Variants in ANKRD44 observed in about 807,000 individuals in gnomAD.
ANKRD44 encodes ankyrin repeat domain 44.
ANKRD44 carries 35 observed loss-of-function variants against 116.0 expected under a neutral mutation model. The observed-to-expected ratio is 0.30, with a 90% confidence interval of 0.23 to 0.40. The LOEUF (loss-of-function observed/expected upper bound fraction) is 0.40, where lower values mean the gene tolerates loss of function less well. Among genes scored for constraint, ANKRD44 ranks in the 10% least tolerant of loss-of-function variants. The probability of loss-of-function intolerance (pLI) is 1.00; values close to 1 mark genes in which losing one functional copy is unlikely to be tolerated. For missense variants in ANKRD44, 1,014 were observed against 1,242.6 expected (o/e 0.82, Z 2.77); for synonymous variants, 435 against 461.8 (o/e 0.94, Z 0.74).
chr2:197,130,290 C>T (rs565666718), intron 4 of ANKRD44, among the ~76,000 whole-genome samples: 2 of 152,296 alleles, frequency 1.3e-5, no homozygotes, highest in East Asian at 3.9e-4. Context: ...TATTACAGCA[C>T]AATTATTCTA....
intron 16 of ANKRD44, among the ~76,000 whole-genome samples, chr2:197,051,238 G>A (rs1277713007): frequency 6.6e-6 from 1 of 152,072 alleles, no homozygotes; most frequent in African/African-American, 2.4e-5. Context: ...TGGAATTACA[G>A]GCATGAGCCA....
At chr2:197,057,974 T>A (rs1023177183) in intron 16 of ANKRD44, among the ~76,000 whole-genome samples, 2 of 152,224 alleles carry the variant, frequency 1.3e-5, no homozygotes, top group African/African-American at 4.8e-5. Flanking sequence ...ACACACACAT[T>A]TCCAACAGAA....
At chr2:197,035,836 C>T (rs1378894411) in intron 16 of ANKRD44, among the ~76,000 whole-genome samples, 1 of 151,836 alleles carries the variant, frequency 6.6e-6, no homozygotes, top group African/African-American at 2.4e-5. Context: ...CCACCCAGGC[C>T]GTGTCAATCT....
chr2:197,128,326 C>G (rs890198217), intron 4 of ANKRD44, among the ~76,000 whole-genome samples: 1 of 152,156 alleles, frequency 6.6e-6, no homozygotes, highest in East Asian at 1.9e-4. Context: ...ATTCTAATAA[C>G]TGCCATTCTG....
At chr2:197,219,809 C>T (rs1333110090) in intron 1 of ANKRD44, among the ~76,000 whole-genome samples, 2 of 151,926 alleles carry the variant, frequency 1.3e-5, no homozygotes, top group East Asian at 1.9e-4. Flanking sequence ...AATCTCACCT[C>T]CCAAGGGAAA....
intron 2 of ANKRD44, among the ~76,000 whole-genome samples, chr2:197,176,847 A>C (rs1041491043): frequency 6.6e-6 from 1 of 151,886 alleles, no homozygotes; most frequent in African/African-American, 2.4e-5. Context: ...TACCTCTCCA[A>C]CCCCCTAGGC....
chr2:196,998,213 A>T (rs531491554), intron 25 of ANKRD44, 124 bp downstream of exon 25: 1 of 705,542 alleles, frequency 1.4e-6, no homozygotes, highest in East Asian at 2.8e-5. Context: ...AGTTGACAAG[A>T]CCCTGGGAAA....
chr2:197,284,503 A>AACACACACACACAC (rs10547024), intron 1 of ANKRD44, among the ~76,000 whole-genome samples: 34 of 137,866 alleles, frequency 2.5e-4, no homozygotes, highest in African/African-American at 8.5e-4. Context: ...CAGAGAGTCA[A>AACACACACACACAC]ACACACACAC....
chr2:197,104,112 T>G (rs2078370152), intron 9 of ANKRD44, among the ~76,000 whole-genome samples: 1 of 152,148 alleles, frequency 6.6e-6, no homozygotes, highest in Non-Finnish European at 1.5e-5. Flanking sequence ...TCAGATGATT[T>G]CCTTTAGTAA....
chr2:197,045,987 T>C (rs1009365275), intron 16 of ANKRD44, among the ~76,000 whole-genome samples: 1 of 152,240 alleles, frequency 6.6e-6, no homozygotes, highest in Non-Finnish European at 1.5e-5. Flanking sequence ...GTATGTACTC[T>C]ACTAGTCATA....
intron 1 of ANKRD44, among the ~76,000 whole-genome samples, chr2:197,303,175 C>T (rs543845530): frequency 2.0e-4 from 30 of 152,234 alleles, no homozygotes; most frequent in Non-Finnish European, 2.5e-4. Context: ...AAAGCTGCCA[C>T]AAACACACTT....
At position 197,186,612 on chromosome 2, in the gene ANKRD44, C is replaced by CTTTTTTTTTTTTTTTTTT. The variant is rs149107038; in HGVS notation, c.111+393_111+410dup. 6.3e-4 allele frequency among the ~76,000 whole-genome samples: 32 copies of CTTTTTTTTTTTTTTTTTT among 50,802 alleles called. 7 individuals carry two copies. Among genetic ancestry groups the CTTTTTTTTTTTTTTTTTT allele is most frequent in the East Asian group, 1.1e-3 (1 of 926 alleles). The allele number at this position is 50,802 out of a possible 152,430, so 33.3% of individuals were successfully genotyped here. A position where few individuals can be genotyped will look rare whatever the true frequency, so the allele number is the denominator to read the frequency against. ...CCATCACTATGCCCGGCTAATTTTT[C>CTTTTTTTTTTTTTTTTTT]TTTTTTTTTTTTTTTTTTTTTTTTT... On this transcript the variant is annotated intron_variant, in intron 2 of 27. Transcript: ENST00000282272.
At chr2:197,235,197 C>A (rs966659398) in intron 1 of ANKRD44, among the ~76,000 whole-genome samples, 1 of 152,142 alleles carries the variant, frequency 6.6e-6, no homozygotes, top group African/African-American at 2.4e-5. Context: ...GTCTTGGGTT[C>A]TATAAAAGAA....
intron 1 of ANKRD44, among the ~76,000 whole-genome samples, chr2:197,202,312 A>G (rs562791179): frequency 6.6e-6 from 1 of 152,292 alleles, no homozygotes; most frequent in African/African-American, 2.4e-5. Flanking sequence ...GTCACAGAGC[A>G]GGCAGAAACC....
At chr2:197,214,366 A>G (rs2081391399) in intron 1 of ANKRD44, among the ~76,000 whole-genome samples, 1 of 152,236 alleles carries the variant, frequency 6.6e-6, no homozygotes, top group Non-Finnish European at 1.5e-5. Flanking sequence ...TAAAAAAAAC[A>G]GTAAACAAAA....
rs753883411 is a variant in ANKRD44 at position 197,126,047 on chromosome 2, A to C, written c.262-10T>G. On this transcript the variant is annotated splice_polypyrimidine_tract_variant and intron_variant, in intron 4 of 27. Coordinates refer to ENST00000282272, the MANE Select transcript of ANKRD44 (RefSeq NM_001195144.2). ...AAACCTGTACTGCTTCCTACAACAAAAGCAGAGTTTGCAGAGGTCACTGAC... is the reference window on the plus strand; with the variant it reads ...AAACCTGTACTGCTTCCTACAACAACAGCAGAGTTTGCAGAGGTCACTGAC... 1 of 1,614,036 alleles carries C rather than the reference A, an allele frequency of 6.2e-7. No homozygotes were observed. The highest frequency in any genetic ancestry group is 8.5e-7 in the Non-Finnish European group (1 of 1,179,952).
intron 9 of ANKRD44, among the ~76,000 whole-genome samples, chr2:197,105,512 C>T (rs1425978575): frequency 6.6e-6 from 1 of 152,018 alleles, no homozygotes; most frequent in African/African-American, 2.4e-5. Flanking sequence ...TAGAAAAATC[C>T]AGAAGTGTCA....
chr2:197,034,114 C>T (rs960014474), intron 16 of ANKRD44, among the ~76,000 whole-genome samples: 4 of 139,750 alleles, frequency 2.9e-5, no homozygotes, highest in Admixed American at 1.5e-4. Context: ...TATACAAACT[C>T]GTAATTCAGC....
chr2:197,018,499 C>A (rs10169446), intron 17 of ANKRD44, among the ~76,000 whole-genome samples: 156 of 152,294 alleles, frequency 1.0e-3, no homozygotes, highest in African/African-American at 3.7e-3. Flanking sequence ...CTTCCCAGAG[C>A]AGCCCATGTA....
Sources: allele counts gnomAD v4.1 joint callset (sites outside exome capture counted in the v4.1 genomes callset), GRCh38; gene constraint gnomAD v4.1.1; transcripts MANE v1.5; gene names NCBI Gene and HGNC (gene_info 2026-07-23, HGNC 2026-07-21).